The following LRRTM4 variants were observed in gnomAD, a reference collection of about 807,000 sequenced individuals.
LRRTM4 encodes the protein leucine-rich repeat transmembrane neuronal protein 4.
In LRRTM4, 25 loss-of-function variants were observed where a neutral mutation model predicts 47.6. That is an observed-to-expected ratio of 0.53 (90% CI 0.38 to 0.73). The LOEUF is 0.73. Among genes scored for constraint, LRRTM4 ranks in the 30% least tolerant of loss-of-function variants. The pLI is 0.00. For synonymous variants in LRRTM4, 311 were observed against 269.5 expected, an observed-to-expected ratio of 1.15 and a Z score of -1.51; for missense variants, 638 against 713.4, an observed-to-expected ratio of 0.89 and a Z score of 1.20.
intron 3 of LRRTM4, among the ~76,000 whole-genome samples, chr2:76,757,525 T>C (rs1482493884): frequency 1.3e-5 from 2 of 152,272 alleles, no homozygotes; most frequent in African/African-American, 4.8e-5. Context: ...AGTGAGGTTT[T>C]AGGCTAATGA....
intron 3 of LRRTM4, among the ~76,000 whole-genome samples, chr2:76,789,756 G>A (rs1454189783): frequency 6.6e-6 from 1 of 152,130 alleles, no homozygotes; most frequent in Non-Finnish European, 1.5e-5. Flanking sequence ...TCTAGATAAA[G>A]GTTTCAAAGA....
At chr2:76,807,668 C>G (rs1046430410) in intron 3 of LRRTM4, among the ~76,000 whole-genome samples, 8 of 151,280 alleles carry the variant, frequency 5.3e-5, no homozygotes, top group African/African-American at 1.7e-4. Context: ...CTCAGCTCAT[C>G]GCAACCTCTG....
chr2:76,752,506 A>T (rs1672886652), intron 3 of LRRTM4, among the ~76,000 whole-genome samples: 1 of 152,172 alleles, frequency 6.6e-6, no homozygotes, highest in Non-Finnish European at 1.5e-5. Context: ...GCAGGCTTAA[A>T]ACCTCTTGGA....
chr2:77,327,176 C>T (rs1268673068), intron 3 of LRRTM4, among the ~76,000 whole-genome samples: 1 of 152,210 alleles, frequency 6.6e-6, no homozygotes, highest in Non-Finnish European at 1.5e-5. Context: ...TATTAAGCTA[C>T]TTATACCTAT....
chr2:77,484,551 T>C (rs1015052678), intron 3 of LRRTM4, among the ~76,000 whole-genome samples: 1 of 152,202 alleles, frequency 6.6e-6, no homozygotes, highest in Non-Finnish European at 1.5e-5. Flanking sequence ...TAGTTTATCT[T>C]TTAAGGATCT....
chr2:77,320,909 T>G (rs1351699087), intron 3 of LRRTM4, among the ~76,000 whole-genome samples: 1 of 152,104 alleles, frequency 6.6e-6, no homozygotes, highest in African/African-American at 2.4e-5. Flanking sequence ...TAACTTCAGC[T>G]TTTTTGATAT....
chr2:76,952,346 A>G (rs1472585716), intron 3 of LRRTM4, among the ~76,000 whole-genome samples: 1 of 152,008 alleles, frequency 6.6e-6, no homozygotes, highest in Non-Finnish European at 1.5e-5. Context: ...TAAACAAATC[A>G]ACAAGAAAAC....
intron 3 of LRRTM4, among the ~76,000 whole-genome samples, chr2:77,120,601 C>T (rs187683818): frequency 3.3e-5 from 5 of 151,928 alleles, no homozygotes; most frequent in Admixed American, 2.6e-4. Flanking sequence ...AGTAATTTCA[C>T]GCTTCTGATG....
At chr2:77,141,300 G>A (rs1558601770) in intron 3 of LRRTM4, among the ~76,000 whole-genome samples, 1 of 152,096 alleles carries the variant, frequency 6.6e-6, no homozygotes, top group Non-Finnish European at 1.5e-5. Context: ...CCATAAAAAG[G>A]ATGAGTTCGT....
chr2:77,276,439 A>C (rs1558664627), intron 3 of LRRTM4, among the ~76,000 whole-genome samples: 1 of 150,734 alleles, frequency 6.6e-6, no homozygotes, highest in Non-Finnish European at 1.5e-5. Context: ...AAAGGAAGAA[A>C]AAAGAAAGGA....
intron 3 of LRRTM4, among the ~76,000 whole-genome samples, chr2:77,453,631 T>C (rs1301674304): frequency 6.6e-6 from 1 of 152,194 alleles, no homozygotes; most frequent in Non-Finnish European, 1.5e-5. Context: ...TGAATTCTGC[T>C]TTTCTTGATA....
chr2:77,079,948 A>G (rs1423040225), intron 3 of LRRTM4, among the ~76,000 whole-genome samples: 1 of 152,078 alleles, frequency 6.6e-6, no homozygotes, highest in Non-Finnish European at 1.5e-5. Context: ...ATGTACCTTT[A>G]AAGATTAAAC....
chr2:77,366,164 C>G (rs1262540889), intron 3 of LRRTM4, among the ~76,000 whole-genome samples: 1 of 16,176 alleles, frequency 6.2e-5, no homozygotes, highest in East Asian at 7.3e-4. Context: ...GCTCTACCTA[C>G]CCCTCAAACA....
At chr2:76,901,886 T>G (rs138004495) in intron 3 of LRRTM4, among the ~76,000 whole-genome samples, 1 of 152,262 alleles carries the variant, frequency 6.6e-6, no homozygotes, top group African/African-American at 2.4e-5. Context: ...GAGTATCATT[T>G]TAACTTCTGA....
chr2:76,762,193 T>C (rs1317336463), intron 3 of LRRTM4, among the ~76,000 whole-genome samples: 3 of 152,180 alleles, frequency 2.0e-5, no homozygotes, highest in African/African-American at 7.2e-5. Context: ...GCATTACCTT[T>C]ACAGACTACC....
At chr2:77,229,836 TA>T (rs1674915240) in intron 3 of LRRTM4, among the ~76,000 whole-genome samples, 1 of 152,162 alleles carries the variant, frequency 6.6e-6, no homozygotes, top group African/African-American at 2.4e-5. Flanking sequence ...ATTTTCTTCA[TA>T]TATCTGTTCA....
chr2:77,449,813 AT>A (rs1205441497), intron 3 of LRRTM4, among the ~76,000 whole-genome samples: 1 of 152,194 alleles, frequency 6.6e-6, no homozygotes, highest in Non-Finnish European at 1.5e-5. Flanking sequence ...AAAAGGCATA[AT>A]TTTGGATGCT....
intron 3 of LRRTM4, among the ~76,000 whole-genome samples, chr2:77,183,565 G>A (rs1025853023): frequency 1.3e-5 from 2 of 152,162 alleles, no homozygotes; most frequent in Non-Finnish European, 2.9e-5. Context: ...ATGTGACCCA[G>A]CCATCCCATT....
At chr2:77,053,137 C>CA (rs1168286667) in intron 3 of LRRTM4, among the ~76,000 whole-genome samples, 2 of 152,064 alleles carry the variant, frequency 1.3e-5, no homozygotes, top group Non-Finnish European at 2.9e-5. Flanking sequence ...AACTAGTAGA[C>CA]AAAATGCAAA....
Sources: allele counts gnomAD v4.1 joint callset (sites outside exome capture counted in the v4.1 genomes callset), GRCh38; gene constraint gnomAD v4.1.1; transcripts MANE v1.5; gene names NCBI Gene and HGNC (gene_info 2026-07-23, HGNC 2026-07-21).